Variants in ERBB4 observed in about 807,000 individuals in gnomAD.
The protein encoded by ERBB4 is receptor tyrosine-protein kinase erbB-4.
In ERBB4, 42 loss-of-function variants were observed where a neutral mutation model predicts 158.0. The ratio of observed to expected loss-of-function variants is 0.27; its 90% CI spans 0.21 to 0.34. The LOEUF (loss-of-function observed/expected upper bound fraction) is 0.34, where lower values mean the gene tolerates loss of function less well. Ranked by LOEUF, ERBB4 falls within the 10% of genes least tolerant of loss-of-function variation. The pLI is 1.00. For synonymous variants in ERBB4, 583 were observed against 558.7 expected, an observed-to-expected ratio of 1.04 and a Z score of -0.61; for missense variants, 1,333 against 1,624.1, an observed-to-expected ratio of 0.82 and a Z score of 3.08.
chr2:212,353,781 C>T (rs2089355159), intron 1 of ERBB4, among the ~76,000 whole-genome samples: 1 of 141,160 alleles, frequency 7.1e-6, no homozygotes, highest in African/African-American at 2.6e-5. Flanking sequence ...ACTCATGGGA[C>T]AGACTAAATA....
intron 1 of ERBB4, among the ~76,000 whole-genome samples, chr2:212,156,312 G>GACTT (rs1448752048): frequency 6.6e-6 from 1 of 151,922 alleles, no homozygotes; most frequent in African/African-American, 2.4e-5. Context: ...AGTCATGAAT[G>GACTT]ACTTATTGAC....
chr2:212,084,464 T>C (rs970699441), intron 2 of ERBB4, among the ~76,000 whole-genome samples: 3 of 151,876 alleles, frequency 2.0e-5, no homozygotes, highest in African/African-American at 7.2e-5. Flanking sequence ...ATAAAGAAAA[T>C]TACAATTTAG....
intron 1 of ERBB4, among the ~76,000 whole-genome samples, chr2:212,249,882 G>T (rs1443780171): frequency 6.6e-6 from 1 of 151,956 alleles, no homozygotes; most frequent in African/African-American, 2.4e-5. Context: ...TTATGTATAT[G>T]AATATAGTAA....
chr2:212,229,807 G>T (rs961490205), intron 1 of ERBB4, among the ~76,000 whole-genome samples: 1 of 152,138 alleles, frequency 6.6e-6, no homozygotes, highest in Admixed American at 6.6e-5. Context: ...TCATGTAGAG[G>T]TGAGAGTCAA....
intron 1 of ERBB4, among the ~76,000 whole-genome samples, chr2:212,386,206 T>C (rs909361114): frequency 6.6e-5 from 10 of 151,986 alleles, no homozygotes; most frequent in African/African-American, 2.4e-4. Context: ...GGATTCACCT[T>C]CCAGGTAAAC....
intron 19 of ERBB4, among the ~76,000 whole-genome samples, chr2:211,594,615 A>C (rs1574828040): frequency 1.3e-5 from 2 of 152,318 alleles, no homozygotes; most frequent in Middle Eastern, 6.8e-3. Context: ...GAAAGTAAAC[A>C]TAAATAGCAT....
chr2:212,191,714 GTTACATATAACACGTGTTA>G (rs1175795966), intron 1 of ERBB4, among the ~76,000 whole-genome samples: 2 of 147,130 alleles, frequency 1.4e-5, no homozygotes, highest in African/African-American at 5.0e-5. Context: ...TGTTATACAT[GTTACATATAACACGTGTTA>G]TACATGTTAC....
chr2:211,703,173 CTCTT>C (rs1190889674), intron 11 of ERBB4, among the ~76,000 whole-genome samples: 1 of 151,924 alleles, frequency 6.6e-6, no homozygotes, highest in Admixed American at 6.6e-5. Flanking sequence ...TAAGATGTAA[CTCTT>C]TCTCTCAAAT....
At chr2:211,572,520 G>A (rs938908751) in intron 19 of ERBB4, among the ~76,000 whole-genome samples, 12 of 152,154 alleles carry the variant, frequency 7.9e-5, no homozygotes, top group African/African-American at 2.4e-4. Flanking sequence ...CCAGTGCAAA[G>A]CAGTGGTACA....
chr2:212,134,112 T>C (rs1306666997), intron 1 of ERBB4, among the ~76,000 whole-genome samples: 1 of 152,192 alleles, frequency 6.6e-6, no homozygotes, highest in Non-Finnish European at 1.5e-5. Context: ...TTATATATTC[T>C]AGAATTCTAC....
rs573510155 is a variant in ERBB4, at chr2:211,398,255, G to A, written c.3136-10263C>T. 2.6e-5 allele frequency among the ~76,000 whole-genome samples: 4 copies of A among 152,112 alleles called. No homozygotes were observed. In the South Asian group the frequency reaches 8.3e-4, roughly 32 times the overall value. On this transcript the variant is annotated intron_variant, in intron 25 of 27. Transcript: ENST00000342788. The stretch of plus-strand genomic sequence containing the variant: ...CCTTTCAAACCTCTTAATACCCCCA[G>A]AATCTAACCATTCTCTTCATCCTCA...
At chr2:211,742,862 T>G (rs1048182935) in intron 5 of ERBB4, among the ~76,000 whole-genome samples, 8 of 152,084 alleles carry the variant, frequency 5.3e-5, no homozygotes, top group African/African-American at 1.9e-4. Context: ...ATTTTACTAT[T>G]ATTCTATTTT....
At chr2:212,075,319 T>C (rs2078243212) in intron 2 of ERBB4, among the ~76,000 whole-genome samples, 1 of 151,910 alleles carries the variant, frequency 6.6e-6, no homozygotes, top group East Asian at 1.9e-4. Flanking sequence ...ATAATTGTCT[T>C]GGGACATTGG....
intron 1 of ERBB4, among the ~76,000 whole-genome samples, chr2:212,445,652 G>C (rs1013899535): frequency 6.6e-6 from 1 of 152,166 alleles, no homozygotes; most frequent in Non-Finnish European, 1.5e-5. Context: ...GCATAGCTTA[G>C]TATTACCATG....
intron 1 of ERBB4, among the ~76,000 whole-genome samples, chr2:212,327,880 GAA>G (rs1002963354): frequency 3.4e-5 from 5 of 145,924 alleles, no homozygotes; most frequent in Non-Finnish European, 6.0e-5. Flanking sequence ...TTTAATTTTT[GAA>G]AAAAAAATAA....
intron 16 of ERBB4, among the ~76,000 whole-genome samples, chr2:211,632,971 G>C (rs1309589535): frequency 3.3e-5 from 5 of 152,092 alleles, no homozygotes; most frequent in Non-Finnish European, 7.4e-5. Context: ...AACATTATAA[G>C]AGGCCAAATT....
At chr2:211,773,031 A>G (rs2075756835) in intron 4 of ERBB4, among the ~76,000 whole-genome samples, 1 of 143,676 alleles carries the variant, frequency 7.0e-6, no homozygotes, top group African/African-American at 2.6e-5. Context: ...GAATCCTCCC[A>G]CTTCAGCCTC....
At chr2:211,633,146 G>A (rs2070209453) in intron 16 of ERBB4, among the ~76,000 whole-genome samples, 1 of 152,058 alleles carries the variant, frequency 6.6e-6, no homozygotes, top group Non-Finnish European at 1.5e-5. Context: ...AGACTTAATA[G>A]ACATAGCAAC....
At chr2:211,921,729 C>T (rs948873904) in intron 3 of ERBB4, among the ~76,000 whole-genome samples, 2 of 151,904 alleles carry the variant, frequency 1.3e-5, no homozygotes, top group African/African-American at 2.4e-5. Flanking sequence ...TCTGGAGTCA[C>T]GGCATAGTTT....
Sources: allele counts gnomAD v4.1 joint callset (sites outside exome capture counted in the v4.1 genomes callset), GRCh38; gene constraint gnomAD v4.1.1; transcripts MANE v1.5; gene names NCBI Gene and HGNC (gene_info 2026-07-23, HGNC 2026-07-21).